Variants in TENM1 observed in about 807,000 individuals in gnomAD.
The protein encoded by TENM1 is teneurin-1.
In TENM1, 35 loss-of-function variants were observed where a neutral mutation model predicts 174.8. The observed-to-expected ratio is 0.20, with a 90% CI of 0.15 to 0.27. The LOEUF (loss-of-function observed/expected upper bound fraction) is 0.27. TENM1 is among the 10% of genes least tolerant of loss of function. TENM1 has a pLI of 1.00. For synonymous variants in TENM1, 781 were observed against 798.7 expected (o/e 0.98, Z 0.37); for missense variants, 1,633 against 2,130.1 (o/e 0.77, Z 4.59).
In TENM1 at chrX:124,503,434, G is replaced by A. The variant is rs1205109238; in HGVS notation, c.3445+126C>T. 5.5e-6 allele frequency: 3 copies of A among 546,006 alleles called. No individual in the cohort carries two copies. The East Asian group carries it at 1.1e-4, about 20-fold the overall frequency. The allele number at this position is 546,006 out of a possible 1,213,427, so 45.0% of individuals were successfully genotyped here. A position where few individuals can be genotyped will look rare whatever the true frequency, so the allele number is the denominator to read the frequency against. On this transcript the variant is annotated intron_variant, in intron 19 of 31. Transcript: ENST00000422452. ...TCAAAATAGAATTATTATGTTTAAT[G>A]CGGTCATCTCTAAGTAGTATTCTCA...
chrX:124,633,457 A>C, intron 11 of TENM1, among the ~76,000 whole-genome samples: 1 of 112,037 alleles, frequency 8.9e-6, no homozygotes, highest in Non-Finnish European at 1.9e-5. Flanking sequence ...TCAAATTGTC[A>C]AAAGTTTCAC....
At chrX:124,867,504 C>T (rs1292568797) in intron 3 of TENM1, among the ~76,000 whole-genome samples, 1 of 111,957 alleles carries the variant, frequency 8.9e-6, no homozygotes, top group Non-Finnish European at 1.9e-5. Context: ...TTATAAAAGT[C>T]GTATTTGGCA....
At chrX:124,730,632 A>G (rs1359709273) in intron 4 of TENM1, among the ~76,000 whole-genome samples, 1 of 112,075 alleles carries the variant, frequency 8.9e-6, no homozygotes, top group Non-Finnish European at 1.9e-5. Flanking sequence ...AACATGAGTG[A>G]TTTCAACTCC....
chrX:124,916,995 T>C (rs2057936919), intron 1 of TENM1, among the ~76,000 whole-genome samples: 1 of 112,083 alleles, frequency 8.9e-6, no homozygotes, highest in Non-Finnish European at 1.9e-5. Context: ...ACCTCCTCCC[T>C]GTCCCCACTG....
the TENM1 span, among the ~76,000 whole-genome samples, chrX:124,971,175 T>C: frequency 9.5e-6 from 1 of 104,813 alleles, no homozygotes; most frequent in African/African-American, 3.5e-5. Flanking sequence ...TTAGGAGATA[T>C]ACCTAATGTA....
At chrX:124,556,489 T>C (rs930149793) in intron 14 of TENM1, among the ~76,000 whole-genome samples, 4 of 111,002 alleles carry the variant, frequency 3.6e-5, no homozygotes, top group African/African-American at 1.3e-4. Flanking sequence ...TAGCCAAGGG[T>C]TTAGCAGAAA....
At chrX:124,784,636 A>G (rs2054994008) in intron 3 of TENM1, among the ~76,000 whole-genome samples, 1 of 111,777 alleles carries the variant, frequency 8.9e-6, no homozygotes, top group Non-Finnish European at 1.9e-5. Flanking sequence ...AGTTTTACTA[A>G]TAAGATGATC....
chrX:124,720,251 C>T (rs959348065), intron 4 of TENM1, among the ~76,000 whole-genome samples: 3 of 112,037 alleles, frequency 2.7e-5, no homozygotes, highest in African/African-American at 9.7e-5. Context: ...TTAACATCAA[C>T]ATAGACCTTA....
intron 3 of TENM1, among the ~76,000 whole-genome samples, chrX:124,857,820 C>T (rs1157400780): frequency 1.8e-5 from 2 of 109,500 alleles, no homozygotes; most frequent in Non-Finnish European, 3.8e-5. Context: ...TAGTCACTCA[C>T]AAATGAAAGG....
At chrX:124,950,865 T>C (rs1361071042) in intron 1 of TENM1, among the ~76,000 whole-genome samples, 1 of 111,809 alleles carries the variant, frequency 8.9e-6, no homozygotes, top group African/African-American at 3.2e-5. Context: ...TTTAAAGCTT[T>C]ATTTTAGTAA....
At chrX:124,411,362 CGT>C (rs764550299) in intron 25 of TENM1, among the ~76,000 whole-genome samples, 2 of 110,276 alleles carry the variant, frequency 1.8e-5, no homozygotes, top group Non-Finnish European at 3.8e-5. Context: ...TGTGCACGCA[CGT>C]GTGTGTGTGT....
At chrX:124,752,801 G>T (rs1327287992) in intron 3 of TENM1, among the ~76,000 whole-genome samples, 1 of 110,194 alleles carries the variant, frequency 9.1e-6, no homozygotes, top group African/African-American at 3.3e-5. Context: ...TCAGATAGTT[G>T]TAGATATGCA....
At chrX:124,803,916 T>G (rs193275144) in intron 3 of TENM1, among the ~76,000 whole-genome samples, 2 of 112,462 alleles carry the variant, frequency 1.8e-5, no homozygotes, top group Admixed American at 1.9e-4. Context: ...ATTGGGTAAT[T>G]AAGACTACAA....
At chrX:124,735,320 G>A (rs775015228) in intron 4 of TENM1, among the ~76,000 whole-genome samples, 27 of 112,064 alleles carry the variant, frequency 2.4e-4, no homozygotes, top group African/African-American at 7.8e-4. Flanking sequence ...AAAAGGTGCT[G>A]TATAAGTGGT....
At chrX:125,000,734 T>C in the TENM1 span, among the ~76,000 whole-genome samples, 1 of 111,479 alleles carries the variant, frequency 9.0e-6, no homozygotes, top group African/African-American at 3.3e-5. Flanking sequence ...GCTTTTTTTC[T>C]GGCCAGCAAG....
intron 3 of TENM1, among the ~76,000 whole-genome samples, chrX:124,771,511 A>T (rs917457647): frequency 8.9e-6 from 1 of 112,658 alleles, no homozygotes; most frequent in Non-Finnish European, 1.9e-5. Flanking sequence ...AACTTCAAGA[A>T]GGAATTATGC....
chrX:124,396,910 T>C (rs181457293), intron 27 of TENM1, among the ~76,000 whole-genome samples: 178 of 112,233 alleles, frequency 1.6e-3, no homozygotes, highest in Middle Eastern at 4.6e-3. Flanking sequence ...AGCTGTGCAT[T>C]GAATAAAACC....
At chrX:124,792,482 C>T (rs1404198138) in intron 3 of TENM1, among the ~76,000 whole-genome samples, 1 of 111,866 alleles carries the variant, frequency 8.9e-6, no homozygotes, top group East Asian at 2.8e-4. Flanking sequence ...CCTATAATTC[C>T]AAGGGACAGA....
intron 3 of TENM1, among the ~76,000 whole-genome samples, chrX:124,817,936 T>C (rs901558745): frequency 6.3e-5 from 7 of 111,794 alleles, no homozygotes; most frequent in Admixed American, 5.7e-4. Context: ...CATAAAACAA[T>C]TGATGCTTGG....
Sources: allele counts gnomAD v4.1 joint callset (sites outside exome capture counted in the v4.1 genomes callset), GRCh38; gene constraint gnomAD v4.1.1; transcripts MANE v1.5; gene names NCBI Gene and HGNC (gene_info 2026-07-23, HGNC 2026-07-21).